ESR1: variants seen among roughly 807,000 people sequenced by gnomAD.
ESR1 encodes the protein estrogen receptor 1.
Under a neutral mutation model 52.7 loss-of-function variants are expected in ESR1, and 12 were observed. The ratio of observed to expected loss-of-function variants is 0.23; its 90% CI spans 0.15 to 0.37. The LOEUF (loss-of-function observed/expected upper bound fraction) is 0.37, where lower values mean the gene tolerates loss of function less well. Among genes scored for constraint, ESR1 ranks in the 10% least tolerant of loss-of-function variants. The pLI is 1.00. For missense variants in ESR1, 584 were observed against 779.7 expected, an observed-to-expected ratio of 0.75 and a Z score of 2.99; for synonymous variants, 305 against 316.8, an observed-to-expected ratio of 0.96 and a Z score of 0.39.
intron 3 of ESR1, among the ~76,000 whole-genome samples, chr6:151,921,155 G>C (rs2031581589): frequency 6.6e-6 from 1 of 151,998 alleles, no homozygotes; most frequent in South Asian, 2.1e-4. Context: ...TCATTGTTCA[G>C]CTCCCACTTC....
upstream of ESR1, among the ~76,000 whole-genome samples, chr6:151,689,012 A>G (rs1403650545): frequency 6.6e-6 from 1 of 152,242 alleles, no homozygotes; most frequent in Non-Finnish European, 1.5e-5. Flanking sequence ...TACATACAAT[A>G]TACATTGTAC....
chr6:152,099,072 C>G lies in ESR1; in HGVS notation c.*106C>G. ...CTCCTGCATACACTCCGGCATGCAT[C>G]CAACACCAATGGCTTTCTAGATGAG... On this transcript the variant is annotated 3_prime_UTR_variant, in exon 8 of 8. Coordinates refer to ENST00000206249, the MANE Select transcript of ESR1 (RefSeq NM_000125.4). 1.2e-6 allele frequency: 1 copy of G among 852,130 alleles called. No individual in the cohort carries two copies. Among genetic ancestry groups the G allele is most frequent in the Non-Finnish European group, 1.9e-6 (1 of 519,624 alleles). 52.8% of individuals were successfully genotyped at this position (852,130 alleles called of 1,614,324 possible).
At chr6:151,656,681 A>C (rs1236731653), upstream of ESR1, 2 of 152,208 alleles carry the variant, frequency 1.3e-5, no homozygotes, top group Non-Finnish European at 2.9e-5. Flanking sequence ...CAGTCAGAGA[A>C]ATAATCGCAG....
intron 2 of ESR1, among the ~76,000 whole-genome samples, chr6:151,868,049 CTG>C (rs1790262312): frequency 6.6e-6 from 1 of 151,034 alleles, no homozygotes; most frequent in Non-Finnish European, 1.5e-5. Context: ...ATGGATGAAT[CTG>C]TCACTCAGGT....
At chr6:151,669,233 T>C (rs971730465) in intron 1 of ESR1, among the ~76,000 whole-genome samples, 3 of 97,594 alleles carry the variant, frequency 3.1e-5, no homozygotes, top group Non-Finnish European at 6.2e-5. Context: ...AGCAGCTGCA[T>C]TGCGGCCCAG....
chr6:151,788,712 T>C (rs753107276), intron 2 of ESR1, among the ~76,000 whole-genome samples: 2 of 152,170 alleles, frequency 1.3e-5, no homozygotes, highest in Admixed American at 6.5e-5. Flanking sequence ...TAAATGCCCA[T>C]TGATGGTAGA....
At chr6:151,943,095 G>T (rs940589898) in intron 3 of ESR1, among the ~76,000 whole-genome samples, 1 of 152,024 alleles carries the variant, frequency 6.6e-6, no homozygotes, top group East Asian at 1.9e-4. Context: ...AAACCTTTGT[G>T]GGGGGCCGGG....
At chr6:152,090,499 T>G (rs2050092065) in intron 6 of ESR1, among the ~76,000 whole-genome samples, 2 of 152,160 alleles carry the variant, frequency 1.3e-5, no homozygotes, top group Non-Finnish European at 2.9e-5. Flanking sequence ...CCAGAGACAT[T>G]TAGATGTGTC....
Position 151,808,191 on chromosome 6 carries a change from C to T in ESR1, c.279C>T (p.Gly93=). Residue 93 remains glycine (G), a synonymous_variant, in exon 1 of 8, where the codon GGC becomes GGT. Coordinates refer to ENST00000206249, the MANE Select transcript of ESR1 (RefSeq NM_000125.4). ...AGGCTGCGGCGTTCGGCTCCAACGGCCTGGGGGGTTTCCCCCCACTCAACA... is the reference window on the plus strand; with the variant it reads ...AGGCTGCGGCGTTCGGCTCCAACGGTCTGGGGGGTTTCCCCCCACTCAACA... ...GSEAAAFGSN[G]LGGFPPLNSV... 1 of 1,577,486 alleles carries T rather than the reference C, an allele frequency of 6.3e-7. No homozygotes were observed. Among genetic ancestry groups the T allele is most frequent in the Non-Finnish European group, 8.6e-7 (1 of 1,161,652 alleles).
At chr6:151,671,062 C>G (rs566688514) in intron 1 of ESR1, among the ~76,000 whole-genome samples, 47 of 152,254 alleles carry the variant, frequency 3.1e-4, no homozygotes, top group Admixed American at 1.1e-3. Context: ...GCCACTGCAC[C>G]TGGCCGGAAG....
rs368161885 is a variant in ESR1, at chr6:151,668,166, G to T, written n.73+11403G>T. Among the ~76,000 whole-genome samples, 38 of 152,350 alleles carry T rather than the reference G, an allele frequency of 2.5e-4. 1 individual carries two copies. The South Asian group carries it at 7.7e-3, about 31-fold the overall frequency. On this transcript the variant is annotated intron_variant and non_coding_transcript_variant, in intron 1 of 2. Coordinates refer to the ESR1 transcript ENST00000473497. The stretch of plus-strand genomic sequence containing the variant: ...GAAGTCCAAGATCAAGGCACCAGCA[G>T]ATTGGTTGTCGGATGAAAGTTCAGT...
intron 5 of ESR1, among the ~76,000 whole-genome samples, chr6:152,049,414 A>C (rs1461004287): frequency 2.0e-5 from 3 of 152,242 alleles, no homozygotes; most frequent in Admixed American, 6.5e-5. Context: ...AAGGGGTAGC[A>C]TGGAGTCTTA....
At chr6:152,096,776 A>T in intron 7 of ESR1, 1 of 432,146 alleles carries the variant, frequency 2.3e-6, no homozygotes, top group Non-Finnish European at 4.7e-6. Context: ...GATGAGTATT[A>T]TAGAGAGGGA....
chr6:151,665,538 C>A (rs1032847675), intron 1 of ESR1, among the ~76,000 whole-genome samples: 1 of 152,150 alleles, frequency 6.6e-6, no homozygotes, highest in African/African-American at 2.4e-5. Flanking sequence ...AGATTTTGAC[C>A]ACGTGTGCAC....
chr6:151,723,662 A>C (rs1436643484), intron 2 of ESR1, among the ~76,000 whole-genome samples: 11 of 152,126 alleles, frequency 7.2e-5, no homozygotes, highest in Non-Finnish European at 2.9e-5. Context: ...TGAGGTCAGG[A>C]GTTCGAGACC....
chr6:151,892,636 G>T (rs948408753), intron 3 of ESR1, among the ~76,000 whole-genome samples: 9 of 141,380 alleles, frequency 6.4e-5, no homozygotes, highest in Non-Finnish European at 1.1e-4. Context: ...TCATGACTAA[G>T]ACTGGAATCC....
At chr6:151,803,685 G>A (rs1471007145), upstream of ESR1, among the ~76,000 whole-genome samples, 4 of 152,192 alleles carry the variant, frequency 2.6e-5, no homozygotes, top group Non-Finnish European at 4.4e-5. Flanking sequence ...GAGGCCGTTA[G>A]GACAGGTAAG....
At chr6:151,854,386 TG>T (rs1778292781) in intron 2 of ESR1, among the ~76,000 whole-genome samples, 2 of 152,148 alleles carry the variant, frequency 1.3e-5, no homozygotes, top group Non-Finnish European at 2.9e-5. Context: ...AAGAACATAG[TG>T]GGGAAAGCAC....
At chr6:151,967,032 G>A (rs1231251184) in intron 4 of ESR1, among the ~76,000 whole-genome samples, 1 of 152,030 alleles carries the variant, frequency 6.6e-6, no homozygotes, top group Non-Finnish European at 1.5e-5. Context: ...ATTTAGAGTG[G>A]GATGGAAAAT....
Sources: allele counts gnomAD v4.1 joint callset (sites outside exome capture counted in the v4.1 genomes callset), GRCh38; gene constraint gnomAD v4.1.1; transcripts MANE v1.5; gene names NCBI Gene and HGNC (gene_info 2026-07-23, HGNC 2026-07-21).